The following ACP3 variants were observed in gnomAD, a reference collection of about 807,000 sequenced individuals.
ACP3 encodes the protein acid phosphatase 3, also known as prostatic acid phosphatase.
In ACP3, 38 loss-of-function variants were observed where a neutral mutation model predicts 45.6. The ratio of observed to expected loss-of-function variants is 0.83; its 90% CI spans 0.64 to 1.09. The LOEUF (loss-of-function observed/expected upper bound fraction) is 1.09, where lower values mean the gene tolerates loss of function less well. ACP3 is among the 50% of genes least tolerant of loss of function. The probability of loss-of-function intolerance (pLI) is 0.00; values close to 1 mark genes in which losing one functional copy is unlikely to be tolerated. For missense variants in ACP3, 466 were observed against 463.2 expected (o/e 1.01, Z -0.05); for synonymous variants, 162 against 164.7 (o/e 0.98, Z 0.13).
chr3:132,355,486 C>CTTATTTTATTTTATTTTATT (rs71622089), intron 9 of ACP3, among the ~76,000 whole-genome samples: 3 of 150,270 alleles, frequency 2.0e-5, no homozygotes, highest in Admixed American at 6.6e-5. Context: ...TTTATTTTAT[C>CTTATTTTATTTTATTTTATT]TTATTTTATT....
At chr3:132,327,630 C>A (rs1330297816) in intron 1 of ACP3, among the ~76,000 whole-genome samples, 2 of 151,838 alleles carry the variant, frequency 1.3e-5, no homozygotes, top group Non-Finnish European at 2.9e-5. Flanking sequence ...ACCAGCCTGG[C>A]CAACATGGTG....
rs778231613 is a variant in ACP3 at position 132,328,248 on chromosome 3, C to G, written c.121-19C>G. On this transcript the variant is annotated intron_variant, in intron 1 of 9. Transcript: ENST00000336375. ...CCCAAGTGACGTTTGTAACATCACT[C>G]TCTCACATCTACTTTCAGGTGTTTC... The G allele has an allele frequency of 1.1e-5, 18 of 1,602,010 alleles. No individual in the cohort carries two copies. Among genetic ancestry groups the G allele is most frequent in the Non-Finnish European group, 9.4e-6 (11 of 1,169,816 alleles).
intron 4 of ACP3, among the ~76,000 whole-genome samples, chr3:132,333,025 C>G (rs1937428842): frequency 6.6e-6 from 1 of 152,156 alleles, no homozygotes; most frequent in Non-Finnish European, 1.5e-5. Flanking sequence ...TCATGATTCT[C>G]AGACTTAGCT....
chr3:132,358,393 C>T lies in ACP3; in HGVS notation c.*1515C>T. 8.0e-7 allele frequency: 1 copy of T among 1,246,456 alleles called. No individual in the cohort carries two copies. The highest frequency in any genetic ancestry group is 1.0e-6 in the Non-Finnish European group (1 of 961,472). 77.2% of individuals were successfully genotyped at this position (1,246,456 alleles called of 1,614,324 possible). On this transcript the variant is annotated 3_prime_UTR_variant, in exon 10 of 10. Coordinates refer to ENST00000336375, the MANE Select transcript of ACP3 (RefSeq NM_001099.5). The stretch of plus-strand genomic sequence containing the variant: ...TGTAAGTCTTTAATGCCGATATCTT[C>T]AGAAAACCTAAGCAAACTTACAGGT...
chr3:132,337,391 C>T, intron 4 of ACP3, 65 bp from the exon 5 acceptor site: 1 of 1,025,416 alleles, frequency 9.8e-7, no homozygotes, highest in East Asian at 2.4e-5. Context: ...TAAAATATTG[C>T]TGCAGCATAT....
intron 5 of ACP3, among the ~76,000 whole-genome samples, chr3:132,341,989 C>G (rs1937557656): frequency 6.6e-6 from 1 of 152,168 alleles, no homozygotes; most frequent in African/African-American, 2.4e-5. Context: ...TGCATTCCAT[C>G]CAAGTTTTAT....
intron 2 of ACP3, among the ~76,000 whole-genome samples, chr3:132,328,571 C>A (rs1576410561): frequency 6.7e-6 from 1 of 149,914 alleles, no homozygotes; most frequent in African/African-American, 2.5e-5. Flanking sequence ...CCCAGCTACT[C>A]GGGAGTCTGA....
At chr3:132,328,500 G>A in intron 2 of ACP3, 138 bp downstream of exon 2, 1 of 557,944 alleles carries the variant, frequency 1.8e-6, no homozygotes, top group Non-Finnish European at 3.2e-6. Flanking sequence ...CCAACGTGGT[G>A]AAACCCTCTC....
chr3:132,350,334 A>G (rs1937698490), intron 8 of ACP3, among the ~76,000 whole-genome samples: 1 of 152,226 alleles, frequency 6.6e-6, no homozygotes, highest in South Asian at 2.1e-4. Flanking sequence ...AGCACATCCA[A>G]CACATCAAAA....
chr3:132,350,690 G>A (rs1424506426), intron 8 of ACP3, among the ~76,000 whole-genome samples: 1 of 152,132 alleles, frequency 6.6e-6, no homozygotes, highest in African/African-American at 2.4e-5. Context: ...AGTGTCAGAA[G>A]TTTATGCTGG....
chr3:132,360,445 G>A (rs566014756), downstream of ACP3, among the ~76,000 whole-genome samples: 5 of 152,178 alleles, frequency 3.3e-5, no homozygotes, highest in East Asian at 3.9e-4. Context: ...ACTCCTTAGA[G>A]TAGGGGTTTC....
At position 132,334,935 on chromosome 3, in the gene ACP3, ACTT is replaced by A. The variant is rs1189608913; in HGVS notation, c.457-2514_457-2512del. Among the ~76,000 whole-genome samples, 8 of 151,992 alleles carry A rather than the reference ACTT, an allele frequency of 5.3e-5. No homozygotes were observed. In the East Asian group the frequency reaches 1.6e-3, roughly 30 times the overall value. ...AACATGGGAAAATAGCACCCACCTAACTTCTTCTTAGGGATTTGTGAAAGTCAA... is the reference window on the plus strand; with the variant it reads ...AACATGGGAAAATAGCACCCACCTAACTTCTTAGGGATTTGTGAAAGTCAA... On this transcript the variant is annotated intron_variant, in intron 4 of 9. Coordinates refer to ENST00000336375, the MANE Select transcript of ACP3 (RefSeq NM_001099.5).
intron 5 of ACP3, among the ~76,000 whole-genome samples, chr3:132,338,281 GTT>G (rs60620661): frequency 7.3e-6 from 1 of 136,276 alleles, no homozygotes. Context: ...GTTTTGTTTT[GTT>G]TTTTTTTTTC....
At chr3:132,337,960 T>C (rs368927583) in intron 5 of ACP3, among the ~76,000 whole-genome samples, 9 of 152,152 alleles carry the variant, frequency 5.9e-5, no homozygotes, top group Non-Finnish European at 1.2e-4. Flanking sequence ...TTCAGCACAA[T>C]ACAAAAGGTA....
chr3:132,339,082 G>A (rs192735876), intron 5 of ACP3, among the ~76,000 whole-genome samples: 210 of 152,022 alleles, frequency 1.4e-3, no homozygotes, highest in African/African-American at 4.7e-3. Flanking sequence ...CTATGTGTCC[G>A]TGTATTCTCA....
intron 1 of ACP3, 28 bp downstream of exon 1, chr3:132,317,604 C>T: frequency 6.2e-7 from 1 of 1,601,340 alleles, no homozygotes; most frequent in Non-Finnish European, 8.5e-7. Flanking sequence ...ATTGCTTTTT[C>T]CTTAAAACTG....
intron 1 of ACP3, among the ~76,000 whole-genome samples, chr3:132,320,568 A>G (rs1937187828): frequency 6.6e-6 from 1 of 152,128 alleles, no homozygotes; most frequent in Non-Finnish European, 1.5e-5. Context: ...AGGAATGATG[A>G]CTTACAAGGT....
chr3:132,333,785 T>G (rs945135593), intron 4 of ACP3, among the ~76,000 whole-genome samples: 10 of 152,260 alleles, frequency 6.6e-5, no homozygotes, highest in Admixed American at 3.3e-4. Flanking sequence ...AGATAAAGAC[T>G]GGAGGTCAGG....
At chr3:132,327,691 C>T (rs554289213) in intron 1 of ACP3, among the ~76,000 whole-genome samples, 79 of 151,680 alleles carry the variant, frequency 5.2e-4, no homozygotes, top group African/African-American at 1.9e-3. Flanking sequence ...TGGTGGCAAG[C>T]GCCTGTAGTC....
Sources: allele counts gnomAD v4.1 joint callset (sites outside exome capture counted in the v4.1 genomes callset), GRCh38; gene constraint gnomAD v4.1.1; transcripts MANE v1.5; gene names NCBI Gene and HGNC (gene_info 2026-07-23, HGNC 2026-07-21).